TCF20: variants seen among roughly 807,000 people sequenced by gnomAD.
TCF20 encodes SPRE-binding protein.
In TCF20, 3 loss-of-function variants were observed where a neutral mutation model predicts 148.6. The observed-to-expected ratio is 0.02, with a 90% CI of 0.01 to 0.05. TCF20 has a LOEUF of 0.05. Among genes scored for constraint, TCF20 ranks in the 10% least tolerant of loss-of-function variants. The pLI is 1.00. For synonymous variants in TCF20, 1,049 were observed against 909.5 expected (o/e 1.15, Z -2.76); for missense variants, 2,350 against 2,429.3 (o/e 0.97, Z 0.69).
intron 3 of TCF20, among the ~76,000 whole-genome samples, chr22:42,172,270 G>A (rs980219242): frequency 2.6e-5 from 4 of 152,226 alleles, no homozygotes; most frequent in African/African-American, 7.2e-5. Context: ...GAGGGCACAG[G>A]GGAGCTTCTC....
rs1035293463 is a variant in TCF20 at position 42,252,091 on chromosome 22, G to A, written c.-37+18248C>T. ...TCAAGACCAGCCTGGGCAACATGGC[G>A]AAACTCTGTCTCTACCTGTATTTTT... On this transcript the variant is annotated intron_variant, in intron 1 of 5. Transcript: ENST00000677622. 8.6e-5 allele frequency among the ~76,000 whole-genome samples: 13 copies of A among 150,600 alleles called. No individual in the cohort carries two copies. In the East Asian group the frequency reaches 1.7e-3, roughly 19 times the overall value.
chr22:42,175,769 T>C (rs1284345812), intron 3 of TCF20, among the ~76,000 whole-genome samples: 1 of 152,136 alleles, frequency 6.6e-6, no homozygotes, highest in African/African-American at 2.4e-5. Flanking sequence ...ACAGAAGGGA[T>C]GGACTAAAAC....
chr22:42,210,814 G>A lies in TCF20; in HGVS notation c.4492C>T (p.Pro1498Ser), dbSNP rs760155652. Residue 1498 changes from proline (P) to serine (S), a missense_variant, in exon 2 of 6, where the codon CCT becomes TCT. Around this residue, in one of 7 missense-constraint regions of TCF20, gnomAD observed 231 missense variants for 213.7 expected, o/e 1.08. Transcript: ENST00000677622. The surrounding 1 kb of genome is among the most constrained non-coding windows in gnomAD (Gnocchi z 4.7). The stretch of plus-strand genomic sequence containing the variant: ...TCAGGGGCCAATATGCCCACTGGAG[G>A]TACATTCTTTGAGTCTGGAAAGATT... Reference protein sequence around the residue: ...PLIFPDSKNVPPVGILAPEAN... With the variant: ...PLIFPDSKNVSPVGILAPEAN... 6.2e-7 allele frequency: 1 copy of A among 1,614,188 alleles called. No homozygotes were observed. The highest frequency in any genetic ancestry group is 8.5e-7 in the Non-Finnish European group (1 of 1,180,042).
At chr22:42,242,287 T>A (rs138635551) in intron 1 of TCF20, among the ~76,000 whole-genome samples, 8 of 147,474 alleles carry the variant, frequency 5.4e-5, no homozygotes, top group Non-Finnish European at 8.9e-5. Flanking sequence ...ACTCTTAGAA[T>A]GAGAAGGGAA....
intron 2 of TCF20, among the ~76,000 whole-genome samples, chr22:42,186,031 C>T (rs948751905): frequency 2.6e-5 from 4 of 152,188 alleles, no homozygotes; most frequent in African/African-American, 4.8e-5. Flanking sequence ...ACAGCTGCTC[C>T]GGCAAAAGTG....
intron 1 of TCF20, among the ~76,000 whole-genome samples, chr22:42,302,097 T>C (rs4822101): frequency 0.64 from 96,664 of 152,050 alleles, 31,008 homozygotes; most frequent in South Asian, 0.72. Flanking sequence ...GGACAGCTAA[T>C]GGGACAGGAG....
intron 1 of TCF20, among the ~76,000 whole-genome samples, chr22:42,264,241 C>T (rs1926164748): frequency 8.0e-6 from 1 of 125,034 alleles, no homozygotes; most frequent in Admixed American, 1.1e-4. Context: ...ATGAACACAT[C>T]TACAGGTCTA....
intron 2 of TCF20, among the ~76,000 whole-genome samples, chr22:42,197,318 GA>G (rs1475463209): frequency 2.1e-5 from 3 of 145,562 alleles, no homozygotes; most frequent in African/African-American, 7.7e-5. Flanking sequence ...TTACAGATGA[GA>G]AACTTTTTTT....
intron 1 of TCF20, 182 bp from the exon 2 acceptor site, chr22:42,215,523 T>C: frequency 1.3e-6 from 1 of 746,442 alleles, no homozygotes; most frequent in Non-Finnish European, 2.0e-6. Context: ...CAGGCTGGAG[T>C]GCAATTGCAC....
At chr22:42,245,787 T>C (rs763512111) in intron 1 of TCF20, among the ~76,000 whole-genome samples, 4 of 152,184 alleles carry the variant, frequency 2.6e-5, no homozygotes, top group Non-Finnish European at 4.4e-5. Flanking sequence ...ATTTTATTTA[T>C]GTATTTTTTG....
rs912158903 is a variant in TCF20 at position 42,262,262 on chromosome 22, A to G, written c.-37+8077T>C. 2.0e-5 allele frequency among the ~76,000 whole-genome samples: 3 copies of G among 152,334 alleles called. No individual in the cohort carries two copies. The East Asian group carries it at 5.8e-4, about 29-fold the overall frequency. ...CACCAGCAGAAATGAGGCGGCCATC[A>G]TCATGTTCCAGGTAAGAGGTAAAGA... On this transcript the variant is annotated intron_variant, in intron 1 of 5. Transcript: ENST00000677622.
intron 1 of TCF20, among the ~76,000 whole-genome samples, chr22:42,258,650 G>A (rs148694426): frequency 6.6e-6 from 1 of 152,252 alleles, no homozygotes; most frequent in Non-Finnish European, 1.5e-5. Context: ...CACTTTTTCA[G>A]TATAGTATTC....
At chr22:42,322,902 T>TG (rs892903035) in intron 1 of TCF20, among the ~76,000 whole-genome samples, 15 of 150,600 alleles carry the variant, frequency 1.0e-4, no homozygotes, top group Admixed American at 9.9e-4. Flanking sequence ...GGTTTTTTTT[T>TG]TGTTTGTTTT....
intron 1 of TCF20, among the ~76,000 whole-genome samples, chr22:42,307,536 A>ATC (rs1177116762): frequency 1.3e-5 from 2 of 152,184 alleles, no homozygotes; most frequent in African/African-American, 4.8e-5. Flanking sequence ...TACCAGCTTC[A>ATC]TCTCTCTCCC....
In TCF20 at chr22:42,190,223, T is replaced by C. The variant is rs562314566; in HGVS notation, c.5656-10521A>G. Among the ~76,000 whole-genome samples the C allele has an allele frequency of 3.3e-5, 5 of 151,610 alleles. No individual in the cohort carries two copies. The East Asian group carries it at 9.7e-4, about 30-fold the overall frequency. Reference sequence around the variant, plus strand: ...TCTGTTATCCCAGCACTTTGGGAGGTTGAGGTGGGAGGACTGCCTGAGGCC... The same window carrying C: ...TCTGTTATCCCAGCACTTTGGGAGGCTGAGGTGGGAGGACTGCCTGAGGCC... On this transcript the variant is annotated intron_variant, in intron 2 of 5. Coordinates refer to ENST00000677622, the MANE Select transcript of TCF20 (RefSeq NM_001378418.1).
intron 1 of TCF20, among the ~76,000 whole-genome samples, chr22:42,295,914 C>A (rs888803336): frequency 6.6e-6 from 1 of 152,218 alleles, no homozygotes; most frequent in Non-Finnish European, 1.5e-5. Context: ...TTCCACACAG[C>A]GTGACCAGTT....
At chr22:42,266,791 C>CA (rs564103696) in intron 1 of TCF20, among the ~76,000 whole-genome samples, 110 of 151,790 alleles carry the variant, frequency 7.2e-4, no homozygotes, top group African/African-American at 2.6e-3. Context: ...AACAAACAAA[C>CA]AAAAAAGTAT....
rs1279588543 is a variant in TCF20, at chr22:42,213,117, C to T, written c.2189G>A (p.Gly730Glu). The T allele has an allele frequency of 1.2e-6, 2 of 1,614,112 alleles. No homozygotes were observed. Among genetic ancestry groups the T allele is most frequent in the Non-Finnish European group, 1.7e-6 (2 of 1,180,006 alleles). ...NVSGFPQYPT[G>E]QEKGDFTGHG... is the part of the protein sequence containing the mutation. ...GCCAGTGAAATCTCCCTTTTCTTGC[C>T]CTGTAGGATACTGAGGAAAGCCACT... Residue 730 changes from glycine (G) to glutamate (E), a missense_variant, in exon 2 of 6, where the codon GGG becomes GAG. Coordinates refer to ENST00000677622, the MANE Select transcript of TCF20 (RefSeq NM_001378418.1).
chr22:42,209,533 G>T, intron 2 of TCF20, 118 bp downstream of exon 2: 1 of 1,170,878 alleles, frequency 8.5e-7, no homozygotes, highest in Non-Finnish European at 1.2e-6. Context: ...TCCATCACAT[G>T]GGCATAGGCA....
Sources: allele counts gnomAD v4.1 joint callset (sites outside exome capture counted in the v4.1 genomes callset), GRCh38; gene constraint gnomAD v4.1.1; regional missense constraint gnomAD v4.1.1; non-coding constraint Gnocchi (gnomAD v3.1); transcripts MANE v1.5; gene names NCBI Gene and HGNC (gene_info 2026-07-23, HGNC 2026-07-21).